The following FHIP1B variants were observed in gnomAD, a reference collection of about 807,000 sequenced individuals.
The protein encoded by FHIP1B is FHF complex subunit HOOK interacting protein 1B, also known as FHF complex subunit HOOK-interacting protein 1B.
A neutral mutation model predicts 82.2 loss-of-function variants in FHIP1B; 28 were observed. The observed-to-expected ratio is 0.34, with a 90% CI of 0.25 to 0.47. The LOEUF (loss-of-function observed/expected upper bound fraction) is 0.47, where lower values mean the gene tolerates loss of function less well. Among genes scored for constraint, FHIP1B ranks in the 20% least tolerant of loss-of-function variants. The probability of loss-of-function intolerance (pLI) is 1.00; values close to 1 mark genes in which losing one functional copy is unlikely to be tolerated. For synonymous variants in FHIP1B, 585 were observed against 516.1 expected, an observed-to-expected ratio of 1.13 and a Z score of -1.81; for missense variants, 1,110 against 1,262.6, an observed-to-expected ratio of 0.88 and a Z score of 1.83.
chr11:6,218,603 G>C lies in FHIP1B; in HGVS notation c.1432C>G (p.Arg478Gly). Residue 478 changes from arginine to glycine, a missense_variant, in exon 8 of 12, where the codon CGA (arginine) becomes GGA (glycine). Physicochemically the swap from Arg to Gly is moderately radical, Grantham distance 125 (BLOSUM62 -2). Coordinates refer to ENST00000449352, the MANE Select transcript of FHIP1B (RefSeq NM_001098794.2). ...CCTGTCTCTCTGCTAGGCCCACCTCGTGCCCATGAGGCATGCTCTGGACGA... is the reference window on the plus strand; with the variant it reads ...CCTGTCTCTCTGCTAGGCCCACCTCCTGCCCATGAGGCATGCTCTGGACGA... ...PPRPEHASWA[R>G]GPGSPSVDSS... The C allele has an allele frequency of 6.2e-7, 1 of 1,614,024 alleles. No homozygotes were observed.
Position 6,217,452 on chromosome 11 carries a change from T to C in FHIP1B, c.2134A>G (p.Thr712Ala). 6.2e-7 allele frequency: 1 copy of C among 1,613,728 alleles called. No homozygotes were observed. Among genetic ancestry groups the C allele is most frequent in the Non-Finnish European group, 8.5e-7 (1 of 1,179,830 alleles). The stretch of plus-strand genomic sequence containing the variant: ...GGGCCAGGGGGCTCAGGGGGACAGG[T>C]GAAGCTCTCGTAGGCCTCCTCCTCC... ...LEEEEAYESF[T>A]CPPEPPGPFL... The change falls in exon 9 of 12, where the codon ACC (threonine) becomes GCC (alanine). Residue 712 changes from threonine (T) to alanine (A), a missense_variant. By Grantham distance (58) the Thr-to-Ala change is moderately conservative. Transcript: ENST00000449352.
intron 1 of FHIP1B, among the ~76,000 whole-genome samples, chr11:6,226,927 C>T (rs1847580565): frequency 2.0e-5 from 3 of 152,086 alleles, no homozygotes; most frequent in Non-Finnish European, 2.9e-5. Context: ...TTCAATAGTC[C>T]ATTTGAAAAT....
chr11:6,223,589 T>A lies in FHIP1B; in HGVS notation c.777+21A>T. 6.4e-7 allele frequency: 1 copy of A among 1,560,524 alleles called. No homozygotes were observed. The highest frequency in any genetic ancestry group is 1.8e-5 in the Admixed American group (1 of 54,398). On this transcript the variant is annotated intron_variant, in intron 3 of 11. Coordinates refer to ENST00000449352, the MANE Select transcript of FHIP1B (RefSeq NM_001098794.2). This position sits in a 1 kb window ranked among gnomAD's most constrained non-coding sequence, Gnocchi z 4.8. ...AGTATCTACACACCACACCCTACCC[T>A]CCAAGCCAGGGGGTGCTAACCGGGC...
chr11:6,222,717 G>T, intron 5 of FHIP1B, 94 bp downstream of exon 5: 1 of 1,553,040 alleles, frequency 6.4e-7, no homozygotes, highest in Non-Finnish European at 8.9e-7. Context: ...CAAAAGGGAG[G>T]AGTACTCTAC....
At position 6,218,730 on chromosome 11, in the gene FHIP1B, G is replaced by C; in HGVS notation, c.1305C>G (p.Ser435Arg). ...CCACATCACGAACAGCCGGCTTCTG[G>C]CTCAGCATAACGTGGTTACATGGAA... ...YLVPCNHVML[S>R]QKPAVRDVDL... Residue 435 changes from serine (S) to arginine (R), a missense_variant, in exon 8 of 12, where the codon AGC becomes AGG. This residue lies in a region of FHIP1B where 467 missense variants were observed against 602.9 expected (regional missense o/e 0.77). Coordinates refer to ENST00000449352, the MANE Select transcript of FHIP1B (RefSeq NM_001098794.2). 1 of 1,614,162 alleles carries C rather than the reference G, an allele frequency of 6.2e-7. No individual in the cohort carries two copies. The highest frequency in any genetic ancestry group is 8.5e-7 in the Non-Finnish European group (1 of 1,180,030).
At chr11:6,218,206 A>G (rs1847303473) in intron 8 of FHIP1B, 56 bp from the exon 9 acceptor site, 2 of 1,549,962 alleles carry the variant, frequency 1.3e-6, no homozygotes, top group Non-Finnish European at 1.7e-6. Context: ...AGAAGGAGAG[A>G]TAAGACACCT....
intron 2 of FHIP1B, 50 bp downstream of exon 2, chr11:6,224,329 G>A: frequency 6.2e-7 from 1 of 1,614,224 alleles, no homozygotes; most frequent in Non-Finnish European, 8.5e-7. Context: ...AGAAGGCTGG[G>A]AGAACTCAGG....
chr11:6,214,245 T>C (rs1039548439), intron 11 of FHIP1B, among the ~76,000 whole-genome samples, 166 bp downstream of exon 11: 10 of 152,174 alleles, frequency 6.6e-5, no homozygotes, highest in African/African-American at 2.4e-4. Context: ...TAGATAGAAC[T>C]ATGTTCTGTC....
chr11:6,228,643 A>G (rs1251510122), intron 1 of FHIP1B, among the ~76,000 whole-genome samples: 1 of 152,256 alleles, frequency 6.6e-6, no homozygotes, highest in Non-Finnish European at 1.5e-5. Flanking sequence ...AGAAGCTAAC[A>G]TCCAATCCAC....
chr11:6,223,567 A>G lies in FHIP1B; in HGVS notation c.777+43T>C. 6.5e-7 allele frequency: 1 copy of G among 1,535,312 alleles called. No homozygotes were observed. The highest frequency in any genetic ancestry group is 8.8e-7 in the Non-Finnish European group (1 of 1,142,474). On this transcript the variant is annotated intron_variant, in intron 3 of 11. Coordinates refer to ENST00000449352, the MANE Select transcript of FHIP1B (RefSeq NM_001098794.2). This position sits in a 1 kb window ranked among gnomAD's most constrained non-coding sequence, Gnocchi z 4.8. ...CCTGGATAGGAAGGTGCTGTTCAGT[A>G]TCTACACACCACACCCTACCCTCCA...
At chr11:6,233,709 A>G (rs1847762687) in intron 1 of FHIP1B, among the ~76,000 whole-genome samples, 1 of 152,204 alleles carries the variant, frequency 6.6e-6, no homozygotes. Flanking sequence ...AGAATTAGCA[A>G]CTGAATATGG....
At chr11:6,226,092 A>G (rs1847556995) in intron 1 of FHIP1B, among the ~76,000 whole-genome samples, 2 of 152,214 alleles carry the variant, frequency 1.3e-5, no homozygotes, top group African/African-American at 4.8e-5. Flanking sequence ...CTTCCTCTTT[A>G]TACTCAACAA....
rs1847795734 is a variant in FHIP1B, at chr11:6,234,602, A to C, written c.-250T>G. The C allele has an allele frequency of 6.5e-6, 1 of 152,758 alleles. No homozygotes were observed. The highest frequency in any genetic ancestry group is 1.5e-5 in the Non-Finnish European group (1 of 68,388). 9.5% of individuals were successfully genotyped at this position (152,758 alleles called of 1,614,324 possible). ...CCGGTTGCTGCTGCGGTGTTAGGTGAGTTCAGGCCGCCGCCATCGCTTCTC... is the reference window on the plus strand; with the variant it reads ...CCGGTTGCTGCTGCGGTGTTAGGTGCGTTCAGGCCGCCGCCATCGCTTCTC... On this transcript the variant is annotated 5_prime_UTR_variant, in exon 1 of 12. Coordinates refer to ENST00000449352, the MANE Select transcript of FHIP1B (RefSeq NM_001098794.2).
chr11:6,217,214 G>C (rs1847254806), intron 9 of FHIP1B, 157 bp downstream of exon 9: 8 of 731,782 alleles, frequency 1.1e-5, no homozygotes, highest in Non-Finnish European at 1.7e-5. Flanking sequence ...ACACAAGTAT[G>C]ACATGACACG....
chr11:6,222,618 AAAG>A lies in FHIP1B; in HGVS notation c.1024-12_1024-10del, dbSNP rs1847443362. ...ATCTCCTCCACAGAGGTCTGCACAA[AAAG>A]AAGGGAAAGTCTGGAAATGCACAGC... On this transcript the variant is annotated splice_polypyrimidine_tract_variant and intron_variant, in intron 5 of 11. Coordinates refer to ENST00000449352, the MANE Select transcript of FHIP1B (RefSeq NM_001098794.2). The A allele has an allele frequency of 6.2e-7, 1 of 1,613,472 alleles. No homozygotes were observed. Among genetic ancestry groups the A allele is most frequent in the African/African-American group, 1.3e-5 (1 of 75,006 alleles).
rs1197015747 is a variant in FHIP1B, at chr11:6,224,225, T to C, written c.162A>G (p.Gln54=). The C allele has an allele frequency of 5.0e-6, 8 of 1,610,286 alleles. No homozygotes were observed. The African/African-American group carries it at 8.0e-5, about 16-fold the overall frequency. The change falls in exon 3 of 12, where the codon CAA becomes CAG. Residue 54 remains glutamine, a synonymous_variant. Coordinates refer to ENST00000449352, the MANE Select transcript of FHIP1B (RefSeq NM_001098794.2). ...CACCCCCAGGAGCTGCCCGAGGGCCTTGCCGCTCCAGGATTCGCACCACCT... is the reference window on the plus strand; with the variant it reads ...CACCCCCAGGAGCTGCCCGAGGGCCCTGCCGCTCCAGGATTCGCACCACCT... ...WSQVVRILER[Q]GPRAAPGGAD...
chr11:6,220,104 G>A (rs190025956), intron 6 of FHIP1B, among the ~76,000 whole-genome samples: 58 of 152,220 alleles, frequency 3.8e-4, no homozygotes, highest in African/African-American at 1.3e-3. Flanking sequence ...TGGCAGAGAC[G>A]ACTTCGCAGA....
At chr11:6,226,587 C>T (rs920111943) in intron 1 of FHIP1B, among the ~76,000 whole-genome samples, 1 of 152,098 alleles carries the variant, frequency 6.6e-6, no homozygotes, top group Admixed American at 6.5e-5. Context: ...AGGTTTTCTT[C>T]ATATTAAAAA....
intron 9 of FHIP1B, chr11:6,216,979 G>C: frequency 1.5e-6 from 1 of 648,696 alleles, no homozygotes; most frequent in Non-Finnish European, 2.8e-6. Context: ...GAGTGTTTAG[G>C]TGCCTCTCCA....
Sources: allele counts gnomAD v4.1 joint callset (sites outside exome capture counted in the v4.1 genomes callset), GRCh38; gene constraint gnomAD v4.1.1; regional missense constraint gnomAD v4.1.1; non-coding constraint Gnocchi (gnomAD v3.1); transcripts MANE v1.5; gene names NCBI Gene and HGNC (gene_info 2026-07-23, HGNC 2026-07-21).